The following IL18R1 variants were observed in gnomAD, a reference collection of about 807,000 sequenced individuals.
The protein encoded by IL18R1 is interleukin 18 receptor 1.
Under a neutral mutation model 48.5 loss-of-function variants are expected in IL18R1, and 40 were observed. The observed-to-expected ratio is 0.82, with a 90% CI of 0.64 to 1.07. The LOEUF is 1.07. Ranked by LOEUF, IL18R1 falls within the 50% of genes least tolerant of loss-of-function variation. The probability of loss-of-function intolerance (pLI) is 0.00; values close to 1 mark genes in which losing one functional copy is unlikely to be tolerated. For synonymous variants in IL18R1, 232 were observed against 225.9 expected (o/e 1.03, Z -0.24); for missense variants, 596 against 633.7 (o/e 0.94, Z 0.64).
intron 3 of IL18R1, 140 bp from the exon 4 acceptor site, chr2:102,371,813 G>A (rs1186320542): frequency 3.3e-5 from 19 of 581,862 alleles, no homozygotes; most frequent in Non-Finnish European, 4.6e-5. Flanking sequence ...CGGAGGCAGA[G>A]CAGGGTTTGC....
At chr2:102,377,672 C>T (rs986329334) in intron 5 of IL18R1, among the ~76,000 whole-genome samples, 11 of 152,240 alleles carry the variant, frequency 7.2e-5, no homozygotes, top group African/African-American at 2.7e-4. Context: ...ACTTGCATTT[C>T]TTGGCTTGTG....
At chr2:102,377,997 T>G (rs1210425156) in intron 5 of IL18R1, among the ~76,000 whole-genome samples, 2 of 152,246 alleles carry the variant, frequency 1.3e-5, no homozygotes, top group African/African-American at 2.4e-5. Context: ...ATTCTGTGTA[T>G]AATCATCTAC....
intron 9 of IL18R1, among the ~76,000 whole-genome samples, chr2:102,392,746 A>G (rs1159245980): frequency 2.0e-5 from 3 of 152,198 alleles, no homozygotes; most frequent in Non-Finnish European, 4.4e-5. Flanking sequence ...AGTTTGAGGA[A>G]CATTTGTTTA....
chr2:102,366,353 C>T (rs945944912), intron 2 of IL18R1, among the ~76,000 whole-genome samples: 2 of 152,232 alleles, frequency 1.3e-5, no homozygotes, highest in African/African-American at 4.8e-5. Flanking sequence ...AAAAGTTCCT[C>T]ATCTCCATCT....
intron 5 of IL18R1, among the ~76,000 whole-genome samples, chr2:102,379,246 C>T (rs1224651718): frequency 6.6e-6 from 1 of 152,048 alleles, no homozygotes. Context: ...GAGTTCGGGA[C>T]AGGCCTGGCC....
At chr2:102,370,960 G>A (rs530536756) in intron 3 of IL18R1, among the ~76,000 whole-genome samples, 1 of 152,196 alleles carries the variant, frequency 6.6e-6, no homozygotes, top group South Asian at 2.1e-4. Flanking sequence ...CAGGTGCAGT[G>A]GAAGCAAACA....
chr2:102,384,332 C>T (rs1680099573), intron 6 of IL18R1, among the ~76,000 whole-genome samples: 1 of 152,234 alleles, frequency 6.6e-6, no homozygotes, highest in African/African-American at 2.4e-5. Flanking sequence ...CAAGCCTGTG[C>T]AGCTGCCGAG....
intron 4 of IL18R1, among the ~76,000 whole-genome samples, chr2:102,374,328 G>T (rs10439410): frequency 0.53 from 81,285 of 152,018 alleles, 23,580 homozygotes; most frequent in African/African-American, 0.73. Flanking sequence ...TGTGCCTTAT[G>T]CTTGAACACT....
rs1559619973 is a variant in IL18R1 at position 102,368,045 on chromosome 2, A to G, written c.279A>G (p.Thr93=). 6.2e-7 allele frequency: 1 copy of G among 1,614,208 alleles called. No homozygotes were observed. The change falls in exon 3 of 11, where the codon ACA becomes ACG. Residue 93 remains threonine (T), a synonymous_variant. Coordinates refer to ENST00000233957, the MANE Select transcript of IL18R1 (RefSeq NM_003855.5). ...LEFWPVELND[T]GSYFFQMKNY... ...TTTGGCCAGTTGAGTTGAATGACAC[A>G]GGATCTTACTTTTTCCAAATGAAGT...
In IL18R1 at chr2:102,390,227, AT is replaced by A. The variant is rs1680487480; in HGVS notation, c.1111+11del. ...GATGAAACATTAACAGGTAACACATATAATGCTGGAATTTCTTACCTTATGT... is the reference window on the plus strand; with the variant it reads ...GATGAAACATTAACAGGTAACACATAAATGCTGGAATTTCTTACCTTATGT... On this transcript the variant is annotated intron_variant, in intron 9 of 10. Coordinates refer to ENST00000233957, the MANE Select transcript of IL18R1 (RefSeq NM_003855.5). 2 of 1,610,734 alleles carry A rather than the reference AT, an allele frequency of 1.2e-6. No homozygotes were observed. The highest frequency in any genetic ancestry group is 1.7e-5 in the Admixed American group (1 of 59,980).
intron 2 of IL18R1, chr2:102,363,060 C>G (rs1285214611): frequency 5.8e-6 from 1 of 172,626 alleles, no homozygotes; most frequent in Non-Finnish European, 1.2e-5. Context: ...AAGTAAACGA[C>G]AAATATATTA....
At chr2:102,386,523 G>C (rs1371213914) in intron 7 of IL18R1, among the ~76,000 whole-genome samples, 1 of 152,222 alleles carries the variant, frequency 6.6e-6, no homozygotes, top group African/African-American at 2.4e-5. Flanking sequence ...TCTGTGGAAA[G>C]AACCCCAAGT....
chr2:102,364,812 A>G (rs1384848106), intron 2 of IL18R1, among the ~76,000 whole-genome samples: 1 of 152,168 alleles, frequency 6.6e-6, no homozygotes, highest in Admixed American at 6.6e-5. Flanking sequence ...GAAGGGGAAG[A>G]AAACATATCC....
In IL18R1 at chr2:102,362,640, A is replaced by G; in HGVS notation, c.-21A>G. ...TTTTATTCTGTTTTCCAGAGAAGCC[A>G]TTTGAAGCAGAATCCAAACCATGAA... On this transcript the variant is annotated 5_prime_UTR_variant, in exon 2 of 11. Transcript: ENST00000233957. 6.3e-7 allele frequency: 1 copy of G among 1,597,314 alleles called. No individual in the cohort carries two copies. The highest frequency in any genetic ancestry group is 1.1e-5 in the South Asian group (1 of 87,308).
intron 2 of IL18R1, among the ~76,000 whole-genome samples, chr2:102,365,109 A>G (rs920670552): frequency 2.0e-5 from 3 of 152,172 alleles, no homozygotes; most frequent in African/African-American, 4.8e-5. Flanking sequence ...ATGCCCTTCT[A>G]ACAGTCCCCC....
chr2:102,372,583 C>A (rs552387475), intron 4 of IL18R1, among the ~76,000 whole-genome samples: 1 of 137,062 alleles, frequency 7.3e-6, no homozygotes. Context: ...AAAAATCACT[C>A]ATAAATCCAT....
chr2:102,361,521 C>T (rs1349929504), intron 1 of IL18R1, among the ~76,000 whole-genome samples: 2 of 152,162 alleles, frequency 1.3e-5, no homozygotes, highest in Non-Finnish European at 2.9e-5. Context: ...TGAGAAGCTG[C>T]CATGCACTCA....
Position 102,396,809 on chromosome 2 carries a change from C to T in IL18R1, c.1549C>T (p.Leu517Phe). 6.2e-7 allele frequency: 1 copy of T among 1,613,584 alleles called. No individual in the cohort carries two copies. Among genetic ancestry groups the T allele is most frequent in the Non-Finnish European group, 8.5e-7 (1 of 1,179,704 alleles). ...SYNSRFWKNLLYLMPAKTVKP... is the reference protein window; with the variant it reads ...SYNSRFWKNLFYLMPAKTVKP... ...TAACTCAAGGTTCTGGAAGAACCTT[C>T]TTTACTTAATGCCTGCAAAAACAGT... Residue 517 changes from leucine to phenylalanine, a missense_variant, in exon 11 of 11, where the codon CTT becomes TTT. Around this residue, in one of 3 missense-constraint regions of IL18R1, gnomAD observed 179 missense variants for 206.1 expected, o/e 0.87. Transcript: ENST00000233957.
Position 102,356,050 on chromosome 2 carries a change from GACTGAGAGCGCCCCA to G in IL18R1, c.-378_-364del, listed in dbSNP as rs1678226989. 8.3e-6 allele frequency: 1 copy of G among 120,914 alleles called. No individual in the cohort carries two copies. The highest frequency in any genetic ancestry group is 2.0e-5 in the Non-Finnish European group (1 of 51,266). The allele number at this position is 120,914 out of a possible 1,614,324, so 7.5% of individuals were successfully genotyped here. On this transcript the variant is annotated 5_prime_UTR_variant, in exon 1 of 11. Transcript: ENST00000233957. ...GGATTCTACGCCAGGGAGCGCCCCA[GACTGAGAGCGCCCCA>G]GACCGCTACACTCCCGGACCCGGAG...
Sources: allele counts gnomAD v4.1 joint callset (sites outside exome capture counted in the v4.1 genomes callset), GRCh38; gene constraint gnomAD v4.1.1; regional missense constraint gnomAD v4.1.1; transcripts MANE v1.5; gene names NCBI Gene and HGNC (gene_info 2026-07-23, HGNC 2026-07-21).